Variants in PTPN4 observed in about 807,000 individuals in gnomAD.
PTPN4 encodes the protein protein tyrosine phosphatase non-receptor type 4.
PTPN4 carries 49 observed loss-of-function variants against 135.5 expected under a neutral mutation model. That is an observed-to-expected ratio of 0.36 (90% confidence interval 0.29 to 0.46). The LOEUF (loss-of-function observed/expected upper bound fraction) is 0.46, where lower values mean the gene tolerates loss of function less well. Among genes scored for constraint, PTPN4 ranks in the 20% least tolerant of loss-of-function variants. The probability of loss-of-function intolerance (pLI) is 1.00; values close to 1 mark genes in which losing one functional copy is unlikely to be tolerated. For synonymous variants in PTPN4, 333 were observed against 369.9 expected (o/e 0.90, Z 1.14); for missense variants, 860 against 1,101.0 (o/e 0.78, Z 3.10).
At chr2:119,827,360 T>C (rs1677160385) in intron 2 of PTPN4, among the ~76,000 whole-genome samples, 1 of 152,128 alleles carries the variant, frequency 6.6e-6, no homozygotes, top group Non-Finnish European at 1.5e-5. Context: ...TAGGGAGCAT[T>C]TAAAATATAA....
intron 1 of PTPN4, among the ~76,000 whole-genome samples, chr2:119,796,155 C>T (rs1558728336): frequency 6.6e-6 from 1 of 152,246 alleles, no homozygotes; most frequent in Non-Finnish European, 1.5e-5. Context: ...GCTGCTCCCA[C>T]AGCTGCTCCT....
At chr2:119,954,308 G>A (rs988722986) in intron 19 of PTPN4, among the ~76,000 whole-genome samples, 4 of 152,190 alleles carry the variant, frequency 2.6e-5, no homozygotes, top group Non-Finnish European at 5.9e-5. Flanking sequence ...TCCCAGTGGA[G>A]TCATAATTTT....
chr2:119,873,194 G>T lies in PTPN4; in HGVS notation c.247-4129G>T, dbSNP rs536794380. Among the ~76,000 whole-genome samples the T allele has an allele frequency of 5.3e-5, 8 of 150,228 alleles. No individual in the cohort carries two copies. The East Asian group carries it at 9.8e-4, about 18-fold the overall frequency. On this transcript the variant is annotated intron_variant, in intron 3 of 26. Transcript: ENST00000263708. Reference sequence around the variant, plus strand: ...GTTTTTTTTTTTTGTTGTTGTTGTTGTTTTTTTTGTAGAGACGTGGTCTTG... The same window carrying T: ...GTTTTTTTTTTTTGTTGTTGTTGTTTTTTTTTTTGTAGAGACGTGGTCTTG...
At chr2:119,789,439 T>A (rs926733494) in intron 1 of PTPN4, among the ~76,000 whole-genome samples, 5 of 152,178 alleles carry the variant, frequency 3.3e-5, no homozygotes, top group Admixed American at 2.6e-4. Flanking sequence ...GAAGTCCAAT[T>A]TATCTGTTTT....
In PTPN4 at chr2:119,960,815, T is replaced by A; in HGVS notation, c.2142T>A (p.Ile714=). The A allele has an allele frequency of 3.7e-6, 6 of 1,605,270 alleles. No individual in the cohort carries two copies. Among genetic ancestry groups the A allele is most frequent in the Non-Finnish European group, 5.1e-6 (6 of 1,177,864 alleles). The stretch of plus-strand genomic sequence containing the variant: ...TGCCCTTTTCTTTTTAGATGGAAAT[T>A]CCTTCTTCCAGCATTATAAATCAGT... ...YINANYINME[I]PSSSIINQYI... The change falls in exon 23 of 27, where the codon ATT becomes ATA. Residue 714 remains isoleucine, a synonymous_variant. Transcript: ENST00000263708.
chr2:119,936,678 C>A lies in PTPN4; in HGVS notation c.1355+1720C>A, dbSNP rs753625969. On this transcript the variant is annotated intron_variant, in intron 15 of 26. Coordinates refer to ENST00000263708, the MANE Select transcript of PTPN4 (RefSeq NM_002830.4). ...CCCAGTCTCAGGTATTTCTTCATAG[C>A]AGCATGAGAATGGACTAATACATTT... 7.2e-4 allele frequency among the ~76,000 whole-genome samples: 109 copies of A among 152,150 alleles called. 1 individual carries two copies. The highest frequency in any genetic ancestry group is 1.2e-3 in the Non-Finnish European group (84 of 68,030).
intron 1 of PTPN4, among the ~76,000 whole-genome samples, chr2:119,807,314 A>AT (rs1320550558): frequency 1.3e-5 from 2 of 152,196 alleles, no homozygotes; most frequent in African/African-American, 2.4e-5. Context: ...AGATCAACAA[A>AT]TTGATAGACT....
At chr2:119,915,550 A>G (rs539811921) in intron 11 of PTPN4, 4 of 188,936 alleles carry the variant, frequency 2.1e-5, no homozygotes, top group Admixed American at 1.2e-4. Flanking sequence ...TGAGCATTTC[A>G]TATATCCCTT....
At chr2:119,875,245 T>C (rs1677968136) in intron 3 of PTPN4, among the ~76,000 whole-genome samples, 1 of 152,220 alleles carries the variant, frequency 6.6e-6, no homozygotes, top group African/African-American at 2.4e-5. Flanking sequence ...TGTTCCATCT[T>C]CCTGGTTTAA....
intron 1 of PTPN4, among the ~76,000 whole-genome samples, chr2:119,775,091 A>G (rs1690807476): frequency 8.3e-6 from 1 of 120,002 alleles, no homozygotes; most frequent in African/African-American, 3.1e-5. Context: ...AAGGTGCCCT[A>G]TTCTGAAAAA....
intron 2 of PTPN4, among the ~76,000 whole-genome samples, chr2:119,831,291 TC>T (rs1223856548): frequency 6.6e-6 from 1 of 152,170 alleles, no homozygotes; most frequent in Non-Finnish European, 1.5e-5. Flanking sequence ...GTGGCCTGGT[TC>T]CTAGCAGGCC....
intron 12 of PTPN4, among the ~76,000 whole-genome samples, chr2:119,921,902 C>T (rs1190948673): frequency 7.2e-5 from 11 of 152,138 alleles, no homozygotes; most frequent in Non-Finnish European, 2.9e-5. Flanking sequence ...TACTCTTACC[C>T]TCTGTTCAAA....
intron 10 of PTPN4, among the ~76,000 whole-genome samples, chr2:119,914,821 TAA>T (rs1017928980): frequency 4.6e-5 from 7 of 152,202 alleles, no homozygotes; most frequent in African/African-American, 1.7e-4. Flanking sequence ...TAATGCTTTT[TAA>T]AATTAAAAGT....
chr2:119,819,753 T>C (rs1205185393), intron 2 of PTPN4, among the ~76,000 whole-genome samples: 1 of 152,244 alleles, frequency 6.6e-6, no homozygotes, highest in African/African-American at 2.4e-5. Context: ...ATTTAACTTT[T>C]TTGTTTGTTT....
intron 13 of PTPN4, among the ~76,000 whole-genome samples, chr2:119,928,776 T>C (rs1234610051): frequency 6.6e-6 from 1 of 152,170 alleles, no homozygotes; most frequent in Admixed American, 6.5e-5. Flanking sequence ...TTCTTTCTGC[T>C]TGACTTTTAT....
intron 2 of PTPN4, among the ~76,000 whole-genome samples, chr2:119,847,328 A>AT (rs150876390): frequency 0.03 from 3,059 of 102,606 alleles, 175 homozygotes; most frequent in African/African-American, 0.098. Context: ...ATATATATAT[A>AT]TTTTTTTTTT....
chr2:119,769,766 G>A (rs1221533383), intron 1 of PTPN4, among the ~76,000 whole-genome samples: 1 of 152,162 alleles, frequency 6.6e-6, no homozygotes, highest in Non-Finnish European at 1.5e-5. Context: ...AGTTGGGTAA[G>A]CAAAACTAAT....
intron 2 of PTPN4, among the ~76,000 whole-genome samples, chr2:119,843,038 C>T (rs915998215): frequency 1.3e-5 from 2 of 152,090 alleles, no homozygotes; most frequent in African/African-American, 2.4e-5. Context: ...TTATCACGAA[C>T]GAATGTTGCA....
intron 1 of PTPN4, among the ~76,000 whole-genome samples, chr2:119,785,775 C>A (rs111997989): frequency 1.3e-5 from 2 of 151,776 alleles, no homozygotes; most frequent in Non-Finnish European, 2.9e-5. Context: ...TGAGTGCACA[C>A]GTGTGAGCAA....
Sources: allele counts gnomAD v4.1 joint callset (sites outside exome capture counted in the v4.1 genomes callset), GRCh38; gene constraint gnomAD v4.1.1; transcripts MANE v1.5; gene names NCBI Gene and HGNC (gene_info 2026-07-23, HGNC 2026-07-21).